The following SLCO3A1 variants were observed in gnomAD, a reference collection of about 807,000 sequenced individuals.
The protein encoded by SLCO3A1 is PGE1 transporter.
SLCO3A1 carries 27 observed loss-of-function variants against 63.1 expected under a neutral mutation model. The ratio of observed to expected loss-of-function variants is 0.43; its 90% CI spans 0.32 to 0.59. The LOEUF (loss-of-function observed/expected upper bound fraction) is 0.59. Ranked by LOEUF, SLCO3A1 falls within the 20% of genes least tolerant of loss-of-function variation. SLCO3A1 has a pLI of 0.09. For synonymous variants in SLCO3A1, 473 were observed against 409.9 expected (o/e 1.15, Z -1.86); for missense variants, 773 against 945.8 (o/e 0.82, Z 2.40).
At chr15:92,108,465 A>C (rs1191646575) in intron 4 of SLCO3A1, among the ~76,000 whole-genome samples, 1 of 152,192 alleles carries the variant, frequency 6.6e-6, no homozygotes, top group Non-Finnish European at 1.5e-5. Flanking sequence ...TAGTGTGCTG[A>C]ATCTAGCAAA....
intron 2 of SLCO3A1, among the ~76,000 whole-genome samples, chr15:92,079,368 C>T (rs1462647172): frequency 1.3e-5 from 2 of 152,212 alleles, no homozygotes; most frequent in Non-Finnish European, 2.9e-5. Context: ...CAACAACAGA[C>T]ACTCATTTTC....
At position 92,090,993 on chromosome 15, in the gene SLCO3A1, A is replaced by G. The variant is rs556920260; in HGVS notation, c.647-3888A>G. On this transcript the variant is annotated intron_variant, in intron 2 of 9. Transcript: ENST00000318445. ...GGTTCATGGAGCTGGGAAGTGGTAG[A>G]GCTGGGATTTGAACCCAGGCTGTTC... 6.2e-4 allele frequency among the ~76,000 whole-genome samples: 94 copies of G among 152,308 alleles called. 1 individual carries two copies. Among genetic ancestry groups the G allele is most frequent in the African/African-American group, 2.2e-3 (93 of 41,570 alleles).
intron 2 of SLCO3A1, among the ~76,000 whole-genome samples, chr15:92,071,388 C>T (rs954642102): frequency 3.3e-4 from 50 of 152,210 alleles, no homozygotes; most frequent in African/African-American, 1.1e-3. Flanking sequence ...AGACACAGGA[C>T]AGTGTGGAGG....
At chr15:92,131,313 C>T (rs1020696963) in intron 7 of SLCO3A1, among the ~76,000 whole-genome samples, 2 of 151,948 alleles carry the variant, frequency 1.3e-5, no homozygotes, top group Non-Finnish European at 2.9e-5. Flanking sequence ...TGGCCTTTAC[C>T]ATCTGGCCCT....
At chr15:92,086,846 C>T (rs942210051) in intron 2 of SLCO3A1, among the ~76,000 whole-genome samples, 1 of 152,032 alleles carries the variant, frequency 6.6e-6, no homozygotes, top group African/African-American at 2.4e-5. Context: ...CATGGTGCCA[C>T]ACGCCTGTAA....
chr15:92,049,946 C>T (rs904977417), intron 2 of SLCO3A1, among the ~76,000 whole-genome samples: 1 of 152,188 alleles, frequency 6.6e-6, no homozygotes, highest in Admixed American at 6.5e-5. Context: ...AGTTCAGAAC[C>T]TGAAGGAGCA....
intron 2 of SLCO3A1, among the ~76,000 whole-genome samples, chr15:91,951,495 A>G (rs896799046): frequency 2.0e-5 from 3 of 151,712 alleles, no homozygotes; most frequent in Non-Finnish European, 4.4e-5. Context: ...TTTGGCTAAT[A>G]TGAATAAGGC....
At chr15:91,976,836 C>G (rs980233016) in intron 2 of SLCO3A1, among the ~76,000 whole-genome samples, 19 of 152,064 alleles carry the variant, frequency 1.2e-4, no homozygotes, top group African/African-American at 4.3e-4. Flanking sequence ...GGGTCACAGA[C>G]ATCAAGTACT....
chr15:92,094,856 TA>T, intron 2 of SLCO3A1, 24 bp from the exon 3 acceptor site: 1 of 1,508,982 alleles, frequency 6.6e-7, no homozygotes, highest in South Asian at 1.1e-5. Flanking sequence ...TTTTGTAATC[TA>T]TTTTTTTCTT....
chr15:91,986,130 C>T (rs1248150555), intron 2 of SLCO3A1, among the ~76,000 whole-genome samples: 1 of 152,182 alleles, frequency 6.6e-6, no homozygotes, highest in Non-Finnish European at 1.5e-5. Flanking sequence ...GGCTGAGTGG[C>T]ATGGCTTTTT....
intron 2 of SLCO3A1, among the ~76,000 whole-genome samples, chr15:91,932,457 T>C (rs760529186): frequency 1.7e-4 from 26 of 152,172 alleles, no homozygotes; most frequent in Non-Finnish European, 3.4e-4. Context: ...AGCAGTTTTT[T>C]TTTTTTGAGA....
At chr15:92,154,100 G>A (rs1324431551) in intron 9 of SLCO3A1, among the ~76,000 whole-genome samples, 1 of 152,226 alleles carries the variant, frequency 6.6e-6, no homozygotes, top group Admixed American at 6.5e-5. Flanking sequence ...GGCTGAAGAA[G>A]TTGCTGCTGT....
Position 91,853,785 on chromosome 15 carries a change from C to A in SLCO3A1, c.-124C>A, listed in dbSNP as rs1445371214. 3.1e-6 allele frequency: 3 copies of A among 972,910 alleles called. No homozygotes were observed. Among genetic ancestry groups the A allele is most frequent in the Non-Finnish European group, 3.7e-6 (3 of 800,864 alleles). The allele number at this position is 972,910 out of a possible 1,614,324, so 60.3% of individuals were successfully genotyped here. A position where few individuals can be genotyped will look rare whatever the true frequency, so the allele number is the denominator to read the frequency against. ...GCCCCGGCAGGACGGGGGCGGCCGC[C>A]GCGAACCCGGGGCGGGGACAGCACG... On this transcript the variant is annotated 5_prime_UTR_variant, in exon 1 of 10. Transcript: ENST00000318445.
In SLCO3A1 at chr15:91,883,164, A is replaced by C. The variant is rs1209939368; in HGVS notation, c.180+29076A>C. Among the ~76,000 whole-genome samples the C allele has an allele frequency of 1.3e-5, 2 of 152,218 alleles. No individual in the cohort carries two copies. Among genetic ancestry groups the C allele is most frequent in the African/African-American group, 2.4e-5 (1 of 41,466 alleles). On this transcript the variant is annotated intron_variant, in intron 1 of 9. Coordinates refer to ENST00000318445, the MANE Select transcript of SLCO3A1 (RefSeq NM_013272.4). The surrounding 1 kb of genome is among the most constrained non-coding windows in gnomAD (Gnocchi z 4.8). ...TACTCAGATGCTTTGAGGCTGGTGG[A>C]TAACAAAGTATCCCTCCTTCCCCTT...
chr15:92,075,815 C>T (rs1475640404), intron 2 of SLCO3A1, among the ~76,000 whole-genome samples: 2 of 152,220 alleles, frequency 1.3e-5, no homozygotes, highest in East Asian at 1.9e-4. Flanking sequence ...GAGATGGTTC[C>T]GCCAGTTCTG....
At chr15:92,062,265 T>G (rs1318503543) in intron 2 of SLCO3A1, among the ~76,000 whole-genome samples, 1 of 152,194 alleles carries the variant, frequency 6.6e-6, no homozygotes, top group Non-Finnish European at 1.5e-5. Context: ...GGCAGTTTTA[T>G]GGAGGAGGTG....
In SLCO3A1 at chr15:92,117,884, T is replaced by C. The variant is rs548581386; in HGVS notation, c.1010-2581T>C. The stretch of plus-strand genomic sequence containing the variant: ...TTGTTGAACAATCCACATATTTAAA[T>C]ATTTCACAGTCAGGATTACTCTAAA... On this transcript the variant is annotated intron_variant, in intron 4 of 9. Transcript: ENST00000318445. Among the ~76,000 whole-genome samples, 3 of 152,376 alleles carry C rather than the reference T, an allele frequency of 2.0e-5. No homozygotes were observed. The South Asian group carries it at 6.2e-4, about 32-fold the overall frequency.
chr15:91,981,938 G>C (rs755857327), intron 2 of SLCO3A1, among the ~76,000 whole-genome samples: 1 of 152,264 alleles, frequency 6.6e-6, no homozygotes, highest in African/African-American at 2.4e-5. Flanking sequence ...TGGTGAGCAC[G>C]CTTTGATGCT....
intron 5 of SLCO3A1, among the ~76,000 whole-genome samples, chr15:92,122,932 T>C (rs999086679): frequency 2.6e-5 from 4 of 152,142 alleles, no homozygotes; most frequent in Admixed American, 1.3e-4. Context: ...GAATAGTTAA[T>C]TGAGGTGACA....
Sources: allele counts gnomAD v4.1 joint callset (sites outside exome capture counted in the v4.1 genomes callset), GRCh38; gene constraint gnomAD v4.1.1; non-coding constraint Gnocchi (gnomAD v3.1); transcripts MANE v1.5; gene names NCBI Gene and HGNC (gene_info 2026-07-23, HGNC 2026-07-21).